The following A1BG variants were observed in gnomAD, a reference collection of about 807,000 sequenced individuals.
A1BG encodes alpha-1B-glycoprotein.
Under a neutral mutation model 46.0 loss-of-function variants are expected in A1BG, and 44 were observed. That is an observed-to-expected ratio of 0.96 (90% confidence interval 0.75 to 1.23). A1BG has a LOEUF of 1.23. Ranked by LOEUF, A1BG falls within the 50% of genes most tolerant of loss-of-function variation. The probability of loss-of-function intolerance (pLI) is 0.00; values close to 1 mark genes in which losing one functional copy is unlikely to be tolerated. For missense variants in A1BG, 707 were observed against 688.8 expected (o/e 1.03, Z -0.30); for synonymous variants, 316 against 314.7 (o/e 1.00, Z -0.04).
At chr19:58,347,730 G>T in intron 6 of A1BG, 90 bp from the exon 7 acceptor site, 1 of 793,642 alleles carries the variant, frequency 1.3e-6, no homozygotes, top group Non-Finnish European at 1.7e-6. Context: ...CCGCGCCCGC[G>T]CCTGCGCCTC....
intron 6 of A1BG, chr19:58,348,456 G>A (rs1265960): frequency 0.81 from 123,187 of 152,272 alleles, 52,907 homozygotes; most frequent in Non-Finnish European, 0.95. Flanking sequence ...TGAAGTACAT[G>A]TAAGTGCTTG....
Position 58,351,794 on chromosome 19 carries a change from TC to T in A1BG, c.614-108del, listed in dbSNP as rs199849684. On this transcript the variant is annotated intron_variant, in intron 4 of 7. Coordinates refer to ENST00000263100, the MANE Select transcript of A1BG (RefSeq NM_130786.4). ...GGCAATCCCAGGAACACCCTTCCAT[TC>T]TTTTTTTTTTTTTTTTTTGAAACGG... The T allele has an allele frequency of 5.6e-4, 545 of 972,940 alleles. 3 individuals are homozygous for T. The African/African-American group carries it at 9.7e-3, about 17-fold the overall frequency. The allele number at this position is 972,940 out of a possible 1,614,324, so 60.3% of individuals were successfully genotyped here.
At chr19:58,351,046 CAG>C (rs1268038063) in intron 5 of A1BG, 1 of 452,104 alleles carries the variant, frequency 2.2e-6, no homozygotes, top group Non-Finnish European at 4.0e-6. Context: ...GTCCGGTGCT[CAG>C]AGTTTGCTAA....
intron 6 of A1BG, 167 bp from the exon 7 acceptor site, chr19:58,347,807 C>T (rs2051927623): frequency 5.2e-6 from 2 of 382,174 alleles, no homozygotes. Context: ...CGCCGAGCTG[C>T]GCCCGCTGCC....
rs73939629 is a variant in A1BG at position 58,351,123 on chromosome 19, T to C, written c.910+268A>G. 2,728 of 568,666 alleles carry C rather than the reference T, an allele frequency of 4.8e-3. 51 individuals carry two copies. Among genetic ancestry groups the C allele is most frequent in the African/African-American group, 0.043 (2,285 of 53,354 alleles). 35.2% of individuals were successfully genotyped at this position (568,666 alleles called of 1,614,324 possible). A position where few individuals can be genotyped will look rare whatever the true frequency, so the allele number is the denominator to read the frequency against. On this transcript the variant is annotated intron_variant, in intron 5 of 7. Transcript: ENST00000263100. Reference sequence around the variant, plus strand: ...TCAGCAGAGGCCCTCAGTGCTCACCTAGACCTGGCAGCTGGGATGGGACCT... The same window carrying C: ...TCAGCAGAGGCCCTCAGTGCTCACCCAGACCTGGCAGCTGGGATGGGACCT...
chr19:58,352,995 G>C lies in A1BG; in HGVS notation c.273C>G (p.Tyr91Ter). ...FLLTGDTQGR[Y>*]RCRSGLSTGW... ...CTGTGGACAAGCCCGAGCGGCAGCG[G>C]TAGCGGCCCTGGGTGTCACCCGTCA... The change falls in exon 3 of 8, where the codon TAC becomes TAG. Residue 91 changes from tyrosine to a stop codon, truncating the protein, a stop_gained. Transcript: ENST00000263100. LOFTEE classifies it high-confidence loss of function. 6.2e-7 allele frequency: 1 copy of C among 1,614,030 alleles called. No homozygotes were observed. Among genetic ancestry groups the C allele is most frequent in the South Asian group, 1.1e-5 (1 of 91,086 alleles).
intron 3 of A1BG, 127 bp downstream of exon 3, chr19:58,352,801 C>T: frequency 7.3e-7 from 1 of 1,361,604 alleles, no homozygotes; most frequent in Non-Finnish European, 1.0e-6. Flanking sequence ...CAGACATCAT[C>T]CCCATTTGAC....
rs773052847 is a variant in A1BG, at chr19:58,352,398, C to T, written c.498G>A (p.Glu166=). 1.2e-6 allele frequency: 2 copies of T among 1,613,982 alleles called. No homozygotes were observed. Among genetic ancestry groups the T allele is most frequent in the South Asian group, 1.1e-5 (1 of 91,080 alleles). The change falls in exon 4 of 8, where the codon GAG becomes GAA. Residue 166 remains glutamate (E), a synonymous_variant. Transcript: ENST00000263100. ...HEFLEVPEAQ[E]DVEATFPVHQ... Reference sequence around the variant, plus strand: ...GGACTGGAAAGGTGGCCTCCACATCCTCCTGGGCCTCAGGCACCTCCAGAA... The same window carrying T: ...GGACTGGAAAGGTGGCCTCCACATCTTCCTGGGCCTCAGGCACCTCCAGAA...
intron 6 of A1BG, 103 bp downstream of exon 6, chr19:58,350,267 C>G: frequency 7.2e-7 from 1 of 1,388,544 alleles, no homozygotes; most frequent in Non-Finnish European, 9.5e-7. Context: ...TGAACCAAGG[C>G]CCAGAGCGCC....
rs143368389 is a variant in A1BG at position 58,352,503 on chromosome 19, G to A, written c.393C>T (p.Pro131=). The change falls in exon 4 of 8, where the codon CCC becomes CCT. Residue 131 remains proline, a synonymous_variant. Coordinates refer to ENST00000263100, the MANE Select transcript of A1BG (RefSeq NM_130786.4). ...GGCACACTGCTGTTGTTTTCAGGCC[G>A]GGGGTGATCCAGGACACTGGCGCCA... is the stretch of plus-strand genomic sequence containing the variant. The part of the protein sequence containing the change: ...LSMAPVSWIT[P]GLKTTAVCRG... 177 of 1,612,794 alleles carry A rather than the reference G, an allele frequency of 1.1e-4. No individual in the cohort carries two copies. In the African/African-American group the frequency reaches 1.8e-3, roughly 16 times the overall value.
chr19:58,347,770 C>G, intron 6 of A1BG, 130 bp from the exon 7 acceptor site: 1 of 554,356 alleles, frequency 1.8e-6, no homozygotes, highest in Non-Finnish European at 2.7e-6. Flanking sequence ...CTGTCTTGTT[C>G]CTGGGCGCAG....
At chr19:58,348,276 T>C (rs2051930725) in intron 6 of A1BG, among the ~76,000 whole-genome samples, 1 of 152,132 alleles carries the variant, frequency 6.6e-6, no homozygotes, top group South Asian at 2.1e-4. Context: ...TGCTTGAACC[T>C]GGGAGGCAGA....
chr19:58,347,804 C>G (rs1379328709), intron 6 of A1BG, 164 bp from the exon 7 acceptor site: 1 of 385,186 alleles, frequency 2.6e-6, no homozygotes. Flanking sequence ...CGCCGCCGAG[C>G]TGCGCCCGCT....
chr19:58,351,795 CTTTTTTT>C (rs11452992), intron 4 of A1BG, 108 bp from the exon 5 acceptor site: 32 of 761,104 alleles, frequency 4.2e-5, no homozygotes, highest in Middle Eastern at 3.9e-4. Context: ...CCCTTCCATT[CTTTTTTT>C]TTTTTTTTTT....
chr19:58,350,553 C>G lies in A1BG; in HGVS notation c.1009G>C (p.Val337Leu), dbSNP rs1285833911. 1 of 1,547,122 alleles carries G rather than the reference C, an allele frequency of 6.5e-7. No individual in the cohort carries two copies. Among genetic ancestry groups the G allele is most frequent in the Admixed American group, 2.0e-5 (1 of 50,912 alleles). ...APLEGARFALVREDRGGRRVH... is the reference protein window; with the variant it reads ...APLEGARFALLREDRGGRRVH... ...CGGCGCCCGCCCCTGTCCTCGCGCACCAGGGCGAAGCGCGCGCCCTCCAGG... is the reference window on the plus strand; with the variant it reads ...CGGCGCCCGCCCCTGTCCTCGCGCAGCAGGGCGAAGCGCGCGCCCTCCAGG... The change falls in exon 6 of 8, where the codon GTG (valine) becomes CTG (leucine). Residue 337 changes from valine (V) to leucine (L), a missense_variant. Coordinates refer to ENST00000263100, the MANE Select transcript of A1BG (RefSeq NM_130786.4).
rs2051977800 is a variant in A1BG at position 58,353,004 on chromosome 19, C to G, written c.264G>C (p.Gln88His). ...KHQFLLTGDTQGRYRCRSGLS... is the reference protein window; with the variant it reads ...KHQFLLTGDTHGRYRCRSGLS... ...AGCCCGAGCGGCAGCGGTAGCGGCC[C>G]TGGGTGTCACCCGTCAGCAGGAACT... The change falls in exon 3 of 8, where the codon CAG (glutamine) becomes CAC (histidine). Residue 88 changes from glutamine to histidine, a missense_variant. Transcript: ENST00000263100. 1 of 1,613,922 alleles carries G rather than the reference C, an allele frequency of 6.2e-7. No individual in the cohort carries two copies. The highest frequency in any genetic ancestry group is 1.3e-5 in the African/African-American group (1 of 74,936).
chr19:58,352,187 G>A, intron 4 of A1BG, 96 bp downstream of exon 4: 1 of 1,543,442 alleles, frequency 6.5e-7, no homozygotes, highest in Non-Finnish European at 8.7e-7. Flanking sequence ...ACCTGGTCCT[G>A]GGCAAGGACA....
Position 58,352,273 on chromosome 19 carries a change from C to G in A1BG, c.613+10G>C, listed in dbSNP as rs1320200039. 6.2e-7 allele frequency: 1 copy of G among 1,612,492 alleles called. No homozygotes were observed. The highest frequency in any genetic ancestry group is 8.5e-7 in the Non-Finnish European group (1 of 1,179,290). On this transcript the variant is annotated intron_variant, in intron 4 of 7. Transcript: ENST00000263100. ...CCCCAGCAGCCCCCAGAGATGGTTC[C>G]CACAGTCACCGAGCTCCTCAATGGT...
In A1BG at chr19:58,353,340, C is replaced by T. The variant is rs919648082; in HGVS notation, c.35-13G>A. Reference sequence around the variant, plus strand: ...CCCCAGGTGACACCTGCGGAGACAGCCCCCGTAAGGCTCCTGTTCCCGCCC... The same window carrying T: ...CCCCAGGTGACACCTGCGGAGACAGTCCCCGTAAGGCTCCTGTTCCCGCCC... On this transcript the variant is annotated splice_polypyrimidine_tract_variant and intron_variant, in intron 1 of 7. Transcript: ENST00000263100. 6.2e-7 allele frequency: 1 copy of T among 1,610,242 alleles called. No homozygotes were observed. Among genetic ancestry groups the T allele is most frequent in the Non-Finnish European group, 8.5e-7 (1 of 1,178,332 alleles).
Sources: gnomAD v4.1 joint callset for allele counts (sites outside exome capture counted in the v4.1 genomes callset) on GRCh38, gnomAD v4.1.1 for gene constraint, MANE v1.5 for transcripts, NCBI Gene and HGNC (gene_info 2026-07-23, HGNC 2026-07-21) for gene names.